The following LTBP1 variants were observed in gnomAD, a reference collection of about 807,000 sequenced individuals.
LTBP1 encodes the protein latent-transforming growth factor beta-binding protein 1.
Under a neutral mutation model 207.6 loss-of-function variants are expected in LTBP1, and 129 were observed. The observed-to-expected ratio is 0.62, with a 90% CI of 0.54 to 0.72. The LOEUF (loss-of-function observed/expected upper bound fraction) is 0.72. Among genes scored for constraint, LTBP1 ranks in the 30% least tolerant of loss-of-function variants. LTBP1 has a pLI of 0.00. For synonymous variants in LTBP1, 963 were observed against 833.7 expected (o/e 1.16, Z -2.67); for missense variants, 2,281 against 2,217.2 (o/e 1.03, Z -0.58).
In LTBP1 at chr2:33,001,080, A is replaced by C. The variant is rs1686008484; in HGVS notation, c.566-19829A>C. Among the ~76,000 whole-genome samples the C allele has an allele frequency of 1.5e-5, 2 of 134,656 alleles. 1 individual carries two copies. Among genetic ancestry groups the C allele is most frequent in the African/African-American group, 5.2e-5 (2 of 38,524 alleles). The allele number at this position is 134,656 out of a possible 152,430, so 88.3% of individuals were successfully genotyped here. ...TGTCCTTCCTGACACGCTGACCTTT[A>C]GTCCCTGAGCTGCCTCATACCTGGC... On this transcript the variant is annotated intron_variant, in intron 2 of 33. Transcript: ENST00000404816.
At chr2:32,956,674 G>A (rs533322654) in intron 2 of LTBP1, among the ~76,000 whole-genome samples, 41 of 152,206 alleles carry the variant, frequency 2.7e-4, no homozygotes, top group African/African-American at 8.7e-4. Context: ...ATCTCCTCCC[G>A]TAAATCATGA....
intron 9 of LTBP1, among the ~76,000 whole-genome samples, chr2:33,234,519 T>C (rs540475545): frequency 9.2e-5 from 14 of 152,140 alleles, no homozygotes; most frequent in African/African-American, 2.9e-4. Flanking sequence ...TTACAAGGGA[T>C]GTGAAGGACC....
intron 2 of LTBP1, among the ~76,000 whole-genome samples, chr2:32,987,007 G>A (rs1683700427): frequency 6.6e-6 from 1 of 152,202 alleles, no homozygotes; most frequent in Non-Finnish European, 1.5e-5. Context: ...GGTGTGATGG[G>A]AAGGCAGGGC....
intron 5 of LTBP1, among the ~76,000 whole-genome samples, chr2:33,157,913 A>C (rs1266925174): frequency 6.6e-6 from 1 of 152,168 alleles, no homozygotes; most frequent in Non-Finnish European, 1.5e-5. Context: ...AAGCCAAGGC[A>C]TGTGGATCAT....
At chr2:33,095,547 T>C (rs557929475) in intron 3 of LTBP1, among the ~76,000 whole-genome samples, 1 of 152,274 alleles carries the variant, frequency 6.6e-6, no homozygotes, top group African/African-American at 2.4e-5. Flanking sequence ...CATGAAATAC[T>C]GTACCTAATA....
At chr2:33,201,824 A>G (rs545707574) in intron 7 of LTBP1, among the ~76,000 whole-genome samples, 1 of 152,266 alleles carries the variant, frequency 6.6e-6, no homozygotes, top group South Asian at 2.1e-4. Context: ...AATAAGCCTT[A>G]GGGCAAAATT....
intron 3 of LTBP1, among the ~76,000 whole-genome samples, chr2:33,021,584 G>A (rs2075170267): frequency 6.6e-6 from 1 of 151,988 alleles, no homozygotes; most frequent in South Asian, 2.1e-4. Flanking sequence ...AAAAGAAACA[G>A]TGTTATTTTT....
At chr2:33,160,925 G>A (rs1284535010) in intron 5 of LTBP1, among the ~76,000 whole-genome samples, 2 of 152,166 alleles carry the variant, frequency 1.3e-5, no homozygotes, top group African/African-American at 4.8e-5. Context: ...TGTCATGGTT[G>A]TTGCCAGCAG....
rs775058448 is a variant in LTBP1 at position 33,347,117 on chromosome 2, C to CAAAAAA, written c.3857-231_3857-226dup. The stretch of plus-strand genomic sequence containing the variant: ...TGGGCGACAGAGCGAGACTCCGTCT[C>CAAAAAA]AAAAAAAAAAAAAAAAAAAAAAAAC... On this transcript the variant is annotated intron_variant, in intron 25 of 33. Coordinates refer to ENST00000404816, the MANE Select transcript of LTBP1 (RefSeq NM_206943.4). 1.3e-3 allele frequency among the ~76,000 whole-genome samples: 67 copies of CAAAAAA among 51,972 alleles called. 1 individual carries two copies. Among genetic ancestry groups the CAAAAAA allele is most frequent in the African/African-American group, 4.3e-3 (60 of 13,868 alleles). 34.1% of individuals were successfully genotyped at this position (51,972 alleles called of 152,430 possible).
rs2094561437 is a variant in LTBP1, at chr2:33,337,062, T to A, written c.3731-5776T>A. Among the ~76,000 whole-genome samples the A allele has an allele frequency of 2.0e-5, 3 of 152,198 alleles. No homozygotes were observed. In the South Asian group the frequency reaches 6.2e-4, roughly 32 times the overall value. On this transcript the variant is annotated intron_variant, in intron 24 of 33. Coordinates refer to ENST00000404816, the MANE Select transcript of LTBP1 (RefSeq NM_206943.4). ...AAACAAGATTTACATGACCCCAACC[T>A]CTTTTAGAAAACCCTGCCTTCTTTC... is the stretch of plus-strand genomic sequence containing the variant.
chr2:33,004,364 T>C (rs1686469783), intron 2 of LTBP1, among the ~76,000 whole-genome samples: 1 of 152,198 alleles, frequency 6.6e-6, no homozygotes, highest in South Asian at 2.1e-4. Context: ...GTGGGCTTTA[T>C]GATAAGCTGT....
intron 2 of LTBP1, among the ~76,000 whole-genome samples, chr2:32,960,350 A>G (rs1268659218): frequency 6.6e-6 from 1 of 152,130 alleles, no homozygotes; most frequent in Non-Finnish European, 1.5e-5. Flanking sequence ...GGATTATACT[A>G]TAGCCATCTT....
chr2:33,107,681 C>T (rs1188121109), intron 3 of LTBP1, among the ~76,000 whole-genome samples: 1 of 152,182 alleles, frequency 6.6e-6, no homozygotes, highest in East Asian at 1.9e-4. Context: ...GATTGCATAA[C>T]AGCTAGATAT....
At chr2:33,273,890 AT>A (rs1364051151) in intron 16 of LTBP1, 109 bp downstream of exon 16, 2 of 1,020,500 alleles carry the variant, frequency 2.0e-6, no homozygotes, top group Non-Finnish European at 2.7e-6. Flanking sequence ...TACTGGTTTA[AT>A]TTTTTGAAAG....
At chr2:32,963,474 G>A (rs554627710) in intron 2 of LTBP1, among the ~76,000 whole-genome samples, 15 of 152,068 alleles carry the variant, frequency 9.9e-5, no homozygotes, top group African/African-American at 3.6e-4. Flanking sequence ...GCCTCCCAAA[G>A]TGCTGGGATT....
At chr2:33,102,423 C>T (rs1358261238) in intron 3 of LTBP1, among the ~76,000 whole-genome samples, 1 of 152,020 alleles carries the variant, frequency 6.6e-6, no homozygotes, top group Non-Finnish European at 1.5e-5. Context: ...AAATACAGCC[C>T]CTGGTTAAGA....
chr2:33,236,315 A>G (rs2092047517), intron 9 of LTBP1, among the ~76,000 whole-genome samples: 1 of 152,220 alleles, frequency 6.6e-6, no homozygotes. Flanking sequence ...TCAATGGCTC[A>G]GTGGGAACTG....
chr2:33,347,489 T>C lies in LTBP1; in HGVS notation c.3979T>C (p.Cys1327Arg). The C allele has an allele frequency of 2.5e-6, 4 of 1,614,136 alleles. No individual in the cohort carries two copies. The highest frequency in any genetic ancestry group is 3.4e-6 in the Non-Finnish European group (4 of 1,180,026). Reference sequence around the variant, plus strand: ...AGAGTACAGCCCCATGACTGGGCAGTGCCGCTCCCGGACCTCCACAGGTAA... The same window carrying C: ...AGAGTACAGCCCCATGACTGGGCAGCGCCGCTCCCGGACCTCCACAGGTAA... ...NQEYSPMTGQCRSRTSTDLDV... is the reference protein window; with the variant it reads ...NQEYSPMTGQRRSRTSTDLDV... Residue 1327 changes from cysteine (C) to arginine (R), a missense_variant, in exon 26 of 34, where the codon TGC (cysteine) becomes CGC (arginine). Cys to Arg is a radical substitution (Grantham distance 180). Transcript: ENST00000404816.
chr2:33,260,652 T>C (rs749726415), intron 13 of LTBP1, among the ~76,000 whole-genome samples: 81 of 152,352 alleles, frequency 5.3e-4, no homozygotes, highest in Non-Finnish European at 6.3e-4. Flanking sequence ...TATAGTATTT[T>C]GAGACCAAAA....
Sources: allele counts gnomAD v4.1 joint callset (sites outside exome capture counted in the v4.1 genomes callset), GRCh38; gene constraint gnomAD v4.1.1; transcripts MANE v1.5; gene names NCBI Gene and HGNC (gene_info 2026-07-23, HGNC 2026-07-21).